Variants in DOK6 observed in about 807,000 individuals in gnomAD.
The protein encoded by DOK6 is downstream of tyrosine kinase 6.
In DOK6, 22 loss-of-function variants were observed where a neutral mutation model predicts 44.0. That is an observed-to-expected ratio of 0.50 (90% confidence interval 0.36 to 0.71). The LOEUF (loss-of-function observed/expected upper bound fraction) is 0.71. DOK6 is among the 30% of genes least tolerant of loss of function. The probability of loss-of-function intolerance (pLI) is 0.00; values close to 1 mark genes in which losing one functional copy is unlikely to be tolerated. For missense variants in DOK6, 340 were observed against 416.4 expected (o/e 0.82, Z 1.60); for synonymous variants, 166 against 145.5 (o/e 1.14, Z -1.01).
chr18:69,539,176 C>A (rs992532911), intron 1 of DOK6, among the ~76,000 whole-genome samples: 2 of 152,124 alleles, frequency 1.3e-5, no homozygotes, highest in African/African-American at 4.8e-5. Flanking sequence ...ATGAATTCTT[C>A]ATTGGTTGTC....
chr18:69,815,481 T>C (rs1981372430), intron 7 of DOK6, among the ~76,000 whole-genome samples: 2 of 152,188 alleles, frequency 1.3e-5, no homozygotes, highest in Non-Finnish European at 2.9e-5. Context: ...CGAATAAGGT[T>C]AGACCCATCT....
Position 69,677,749 on chromosome 18 carries a change from A to T in DOK6, c.305A>T (p.Glu102Val). ...FACESELEAEEWCKHLCMECL... is the reference protein window; with the variant it reads ...FACESELEAEVWCKHLCMECL... ...TTACTTTCAGAGCTGGAGGCCGAGG[A>T]GTGGTGCAAGCACCTCTGCATGGAG... Residue 102 changes from glutamate (E) to valine (V), a missense_variant, in exon 4 of 8, where the codon GAG becomes GTG. By Grantham distance (121) the Glu-to-Val change is moderately radical. Transcript: ENST00000382713. 5.0e-6 allele frequency: 8 copies of T among 1,613,622 alleles called. No individual in the cohort carries two copies. The highest frequency in any genetic ancestry group is 6.8e-6 in the Non-Finnish European group (8 of 1,179,682).
In DOK6 at chr18:69,847,135, T is replaced by C. The variant is rs1250590123; in HGVS notation, c.*5752T>C. 1 of 152,220 alleles carries C rather than the reference T, an allele frequency of 6.6e-6. No individual in the cohort carries two copies. The highest frequency in any genetic ancestry group is 1.5e-5 in the Non-Finnish European group (1 of 68,030). The allele number at this position is 152,220 out of a possible 1,614,324, so 9.4% of individuals were successfully genotyped here. A position where few individuals can be genotyped will look rare whatever the true frequency, so the allele number is the denominator to read the frequency against. On this transcript the variant is annotated 3_prime_UTR_variant, in exon 8 of 8. Coordinates refer to ENST00000382713, the MANE Select transcript of DOK6 (RefSeq NM_152721.6). ...ACAATTCTGTTTAACTAGTAAGTTT[T>C]TTTTAAGTTATCTTCCATGCCTGCT... is the stretch of plus-strand genomic sequence containing the variant.
At chr18:69,581,628 T>C (rs1466776123) in intron 2 of DOK6, among the ~76,000 whole-genome samples, 5 of 152,166 alleles carry the variant, frequency 3.3e-5, no homozygotes, top group Admixed American at 2.0e-4. Flanking sequence ...AATTCAGGCA[T>C]GGGATATAAT....
intron 4 of DOK6, among the ~76,000 whole-genome samples, chr18:69,689,650 C>T (rs1312160148): frequency 6.6e-6 from 1 of 151,886 alleles, no homozygotes; most frequent in African/African-American, 2.4e-5. Context: ...GATTTTAGTA[C>T]TCAATGTAAG....
At chr18:69,579,588 G>A (rs944398223) in intron 2 of DOK6, among the ~76,000 whole-genome samples, 16 of 149,906 alleles carry the variant, frequency 1.1e-4, no homozygotes, top group African/African-American at 3.7e-4. Context: ...TTTTTGAGAC[G>A]GAGTCTTGCT....
chr18:69,546,492 C>T (rs73970164), intron 1 of DOK6, among the ~76,000 whole-genome samples: 1 of 151,240 alleles, frequency 6.6e-6, no homozygotes, highest in African/African-American at 2.4e-5. Context: ...TAAATAAAAC[C>T]AACCCTTCGA....
At chr18:69,761,657 C>A (rs986901401) in intron 7 of DOK6, among the ~76,000 whole-genome samples, 1 of 152,074 alleles carries the variant, frequency 6.6e-6, no homozygotes, top group African/African-American at 2.4e-5. Context: ...TGGTATCCAG[C>A]CAAGTCCAAG....
At chr18:69,604,479 T>C (rs991383907) in intron 3 of DOK6, among the ~76,000 whole-genome samples, 3 of 152,234 alleles carry the variant, frequency 2.0e-5, no homozygotes, top group African/African-American at 7.2e-5. Context: ...AGAAGAATGC[T>C]TTTATTTGAA....
intron 7 of DOK6, among the ~76,000 whole-genome samples, chr18:69,802,291 A>G (rs1980925966): frequency 6.6e-6 from 1 of 152,120 alleles, no homozygotes; most frequent in Non-Finnish European, 1.5e-5. Flanking sequence ...AGATTTTTCA[A>G]CTTCATGATG....
At chr18:69,494,900 G>C (rs1478287966) in intron 1 of DOK6, among the ~76,000 whole-genome samples, 1 of 152,190 alleles carries the variant, frequency 6.6e-6, no homozygotes, top group African/African-American at 2.4e-5. Flanking sequence ...GGCCCAATGG[G>C]CTCATTGCAC....
rs116011766 is a variant in DOK6 at position 69,732,260 on chromosome 18, T to A, written c.600-6705T>A. Among the ~76,000 whole-genome samples, 324 of 152,290 alleles carry A rather than the reference T, an allele frequency of 2.1e-3. 2 individuals are homozygous for A. Among genetic ancestry groups the A allele is most frequent in the African/African-American group, 7.2e-3 (298 of 41,570 alleles). ...CCTGATTGTCAGGGAATATCTGATA[T>A]GTTTACAATAAAGCCTCCAGGAGCT... On this transcript the variant is annotated intron_variant, in intron 5 of 7. Transcript: ENST00000382713.
At position 69,406,936 on chromosome 18, in the gene DOK6, C is replaced by T. The variant is rs540048702; in HGVS notation, c.66+5626C>T. Reference sequence around the variant, plus strand: ...TCTCTACTAAAAATACAAAAATTAGCGGGGTGCAGAGGCCAGCGCCTGTAA... The same window carrying T: ...TCTCTACTAAAAATACAAAAATTAGTGGGGTGCAGAGGCCAGCGCCTGTAA... On this transcript the variant is annotated intron_variant, in intron 1 of 7. Transcript: ENST00000382713. Among the ~76,000 whole-genome samples the T allele has an allele frequency of 3.3e-5, 5 of 152,158 alleles. No homozygotes were observed. In the East Asian group the frequency reaches 5.8e-4, roughly 18 times the overall value.
intron 1 of DOK6, among the ~76,000 whole-genome samples, chr18:69,479,129 C>T (rs149492092): frequency 1.3e-5 from 2 of 151,908 alleles, no homozygotes; most frequent in Admixed American, 6.6e-5. Context: ...TGCCTGTTCT[C>T]GGGAACTAGT....
intron 3 of DOK6, among the ~76,000 whole-genome samples, chr18:69,667,074 C>T (rs912529037): frequency 5.3e-5 from 8 of 152,176 alleles, no homozygotes; most frequent in Admixed American, 1.3e-4. Flanking sequence ...CAGAATTAAT[C>T]TCAACGTGCC....
intron 1 of DOK6, among the ~76,000 whole-genome samples, chr18:69,531,987 T>C (rs1238733476): frequency 1.3e-5 from 2 of 152,118 alleles, no homozygotes; most frequent in Non-Finnish European, 2.9e-5. Context: ...GTAGGATTAG[T>C]GTTCTTATAA....
At chr18:69,459,452 C>A (rs1445367464) in intron 1 of DOK6, among the ~76,000 whole-genome samples, 2 of 151,922 alleles carry the variant, frequency 1.3e-5, no homozygotes, top group Non-Finnish European at 2.9e-5. Flanking sequence ...CAATCTTTAT[C>A]AAGTATTTAA....
rs1004485337 is a variant in DOK6, at chr18:69,674,909, AT to A, written c.290-2822del. Among the ~76,000 whole-genome samples the A allele has an allele frequency of 3.5e-4, 53 of 152,182 alleles. 1 individual carries two copies. Among genetic ancestry groups the A allele is most frequent in the Admixed American group, 1.4e-3 (22 of 15,282 alleles). ...GGCATATGGAGAGTTCACAATAAAT[AT>A]TTGTTAAAGGAATGAGTCCTGAATT... is the stretch of plus-strand genomic sequence containing the variant. On this transcript the variant is annotated intron_variant, in intron 3 of 7. Coordinates refer to ENST00000382713, the MANE Select transcript of DOK6 (RefSeq NM_152721.6).
intron 7 of DOK6, among the ~76,000 whole-genome samples, chr18:69,814,376 C>A (rs1981334261): frequency 6.6e-6 from 1 of 152,038 alleles, no homozygotes; most frequent in Non-Finnish European, 1.5e-5. Flanking sequence ...TCATTTGAGG[C>A]AAAGGCCCCT....
Sources: gnomAD v4.1 joint callset for allele counts (sites outside exome capture counted in the v4.1 genomes callset) on GRCh38, gnomAD v4.1.1 for gene constraint, MANE v1.5 for transcripts, NCBI Gene and HGNC (gene_info 2026-07-23, HGNC 2026-07-21) for gene names.